PHEX: variants seen among roughly 807,000 people sequenced by gnomAD.
PHEX encodes phosphate regulating endopeptidase X-linked, also known as phosphate-regulating neutral endopeptidase PHEX.
Under a neutral mutation model 68.0 loss-of-function variants are expected in PHEX, and 16 were observed. That is an observed-to-expected ratio of 0.24 (90% confidence interval 0.16 to 0.36). The LOEUF (loss-of-function observed/expected upper bound fraction) is 0.36. PHEX is among the 10% of genes least tolerant of loss of function. PHEX has a pLI of 1.00. For missense variants in PHEX, 480 were observed against 575.5 expected (o/e 0.83, Z 1.70); for synonymous variants, 208 against 205.1 (o/e 1.01, Z -0.12).
intron 7 of PHEX, among the ~76,000 whole-genome samples, chrX:22,095,595 C>T (rs1330072167): frequency 2.7e-5 from 3 of 111,715 alleles, no homozygotes; most frequent in African/African-American, 9.8e-5. Context: ...TGTGGATATC[C>T]TCTGAGGCAA....
chrX:22,080,804 T>C (rs1465977865), intron 5 of PHEX, among the ~76,000 whole-genome samples: 1 of 111,890 alleles, frequency 8.9e-6, no homozygotes, highest in Non-Finnish European at 1.9e-5. Flanking sequence ...TCACCGAATA[T>C]CCTCGTGCAA....
At chrX:22,241,887 A>G (rs905832240) in intron 20 of PHEX, among the ~76,000 whole-genome samples, 4 of 112,426 alleles carry the variant, frequency 3.6e-5, no homozygotes, top group African/African-American at 1.3e-4. Context: ...AAACTATTCC[A>G]AACAATAGAA....
At position 22,054,795 on chromosome X, in the gene PHEX, T is replaced by C. The variant is rs777351424; in HGVS notation, c.349+7584T>C. On this transcript the variant is annotated intron_variant, in intron 3 of 21. Transcript: ENST00000379374. ...ATAATTTTACTTGAAAAGTTTGTTG[T>C]TATTCATAGTTTTCCTGCTCTGATA... 9.0e-5 allele frequency among the ~76,000 whole-genome samples: 10 copies of C among 111,172 alleles called. No homozygotes were observed. In the South Asian group the frequency reaches 2.6e-3, roughly 29 times the overall value.
intron 14 of PHEX, among the ~76,000 whole-genome samples, chrX:22,179,369 G>A (rs1933811886): frequency 9.0e-6 from 1 of 110,601 alleles, no homozygotes; most frequent in Non-Finnish European, 1.9e-5. Context: ...ATGGTGGTTG[G>A]TTACATGAAT....
At chrX:22,045,872 C>T in intron 2 of PHEX, among the ~76,000 whole-genome samples, 1 of 112,385 alleles carries the variant, frequency 8.9e-6, no homozygotes, top group Non-Finnish European at 1.9e-5. Context: ...GAGAGTTACA[C>T]TGAATATCAA....
chrX:22,081,953 A>G (rs993439750), intron 5 of PHEX, among the ~76,000 whole-genome samples: 4 of 111,799 alleles, frequency 3.6e-5, no homozygotes, highest in Admixed American at 9.5e-5. Flanking sequence ...TTACTAGTTA[A>G]TGAAGACAAC....
At chrX:22,057,327 G>A (rs1304383370) in intron 3 of PHEX, among the ~76,000 whole-genome samples, 2 of 111,718 alleles carry the variant, frequency 1.8e-5, no homozygotes, top group Non-Finnish European at 3.8e-5. Context: ...CCTCTGGCTG[G>A]GTGCCGTGGC....
At chrX:22,077,163 C>T (rs951221558) in intron 4 of PHEX, among the ~76,000 whole-genome samples, 28 of 111,928 alleles carry the variant, frequency 2.5e-4, no homozygotes, top group Middle Eastern at 9.2e-3. Flanking sequence ...AACTTAGTCC[C>T]ACCAAGTATT....
intron 9 of PHEX, among the ~76,000 whole-genome samples, chrX:22,103,699 G>A (rs1204073203): frequency 8.1e-5 from 9 of 111,789 alleles, no homozygotes; most frequent in Non-Finnish European, 1.1e-4. Flanking sequence ...TTATCCATTC[G>A]TTGGTTGATG....
intron 17 of PHEX, among the ~76,000 whole-genome samples, chrX:22,219,387 T>C (rs1421879529): frequency 8.9e-6 from 1 of 112,027 alleles, no homozygotes; most frequent in African/African-American, 3.2e-5. Flanking sequence ...GCTGCCACAA[T>C]AGTTACAGAG....
chrX:22,234,225 C>T (rs1935878305), intron 20 of PHEX, among the ~76,000 whole-genome samples: 1 of 112,483 alleles, frequency 8.9e-6, no homozygotes, highest in African/African-American at 3.2e-5. Flanking sequence ...AGATGTTTGT[C>T]GGCCCCTACC....
intron 21 of PHEX, 95 bp downstream of exon 21, chrX:22,245,504 C>A (rs1345422557): frequency 4.8e-6 from 3 of 623,514 alleles, no homozygotes; most frequent in Non-Finnish European, 8.2e-6. Flanking sequence ...GATAGGTGAT[C>A]TGAAAAAAAT....
chrX:22,064,518 G>A (rs1410974707), intron 3 of PHEX, among the ~76,000 whole-genome samples: 3 of 111,589 alleles, frequency 2.7e-5, no homozygotes, highest in Non-Finnish European at 3.8e-5. Context: ...CGTGGTATGT[G>A]TACCACGTTT....
intron 15 of PHEX, among the ~76,000 whole-genome samples, chrX:22,201,395 G>T: frequency 9.0e-6 from 1 of 111,398 alleles, no homozygotes; most frequent in Admixed American, 9.6e-5. Flanking sequence ...ATGTTGGCCA[G>T]GCTGGTCTCG....
chrX:22,103,617 C>T (rs1464327752), intron 9 of PHEX, among the ~76,000 whole-genome samples: 1 of 112,160 alleles, frequency 8.9e-6, no homozygotes, highest in Non-Finnish European at 1.9e-5. Context: ...ATCCAGGCTG[C>T]TGCGAATGCC....
chrX:22,150,490 G>A (rs1158688059), intron 12 of PHEX, among the ~76,000 whole-genome samples: 1 of 112,271 alleles, frequency 8.9e-6, no homozygotes, highest in African/African-American at 3.2e-5. Flanking sequence ...GTAGTACAGA[G>A]CAGCAATAGG....
chrX:22,190,944 T>C, intron 15 of PHEX, among the ~76,000 whole-genome samples: 1 of 111,814 alleles, frequency 8.9e-6, no homozygotes, highest in Non-Finnish European at 1.9e-5. Context: ...CGCTAGGAAG[T>C]TATGTCTTGA....
chrX:22,243,632 A>T (rs1342726064), intron 20 of PHEX, among the ~76,000 whole-genome samples: 2 of 112,402 alleles, frequency 1.8e-5, no homozygotes, highest in African/African-American at 6.5e-5. Context: ...ATGAACAGAC[A>T]CTTCTTAAAA....
At chrX:22,198,197 TTA>T (rs1381966850) in intron 15 of PHEX, among the ~76,000 whole-genome samples, 2 of 104,606 alleles carry the variant, frequency 1.9e-5, no homozygotes, top group African/African-American at 3.4e-5. Context: ...TTATATATAC[TTA>T]TATATATGTT....
Sources: allele counts gnomAD v4.1 joint callset (sites outside exome capture counted in the v4.1 genomes callset), GRCh38; gene constraint gnomAD v4.1.1; transcripts MANE v1.5; gene names NCBI Gene and HGNC (gene_info 2026-07-23, HGNC 2026-07-21).